INPP4B: variants seen among roughly 807,000 people sequenced by gnomAD.
The protein encoded by INPP4B is inositol polyphosphate-4-phosphatase type II B, also known as inositol polyphosphate 4-phosphatase type II.
Under a neutral mutation model 122.5 loss-of-function variants are expected in INPP4B, and 55 were observed. That is an observed-to-expected ratio of 0.45 (90% confidence interval 0.36 to 0.56). INPP4B has a LOEUF of 0.56. Ranked by LOEUF, INPP4B falls within the 20% of genes least tolerant of loss-of-function variation. The pLI is 0.00. For synonymous variants in INPP4B, 403 were observed against 388.7 expected (o/e 1.04, Z -0.43); for missense variants, 1,000 against 1,097.7 (o/e 0.91, Z 1.26).
At chr4:142,101,892 G>A (rs1168879664) in intron 23 of INPP4B, among the ~76,000 whole-genome samples, 1 of 152,014 alleles carries the variant, frequency 6.6e-6, no homozygotes, top group Non-Finnish European at 1.5e-5. Context: ...GGAAAAATTT[G>A]GTACATATTC....
chr4:142,720,859 G>T (rs2150839375), intron 2 of INPP4B, among the ~76,000 whole-genome samples: 2 of 97,434 alleles, frequency 2.1e-5, no homozygotes, highest in East Asian at 3.3e-4. Flanking sequence ...TTTGAGACAG[G>T]GTCTTACTTT....
chr4:142,734,638 TTTTG>T lies in INPP4B; in HGVS notation c.-253-8741_-253-8738del, dbSNP rs374247716. The stretch of plus-strand genomic sequence containing the variant: ...CCCTTAAAAAATGGGCACTATTAGA[TTTTG>T]TTTGTTTGTTTGTTTGTTTTCAGAT... On this transcript the variant is annotated intron_variant, in intron 1 of 25. Coordinates refer to ENST00000262992, the MANE Select transcript of INPP4B (RefSeq NM_001101669.3). Among the ~76,000 whole-genome samples the T allele has an allele frequency of 6.1e-4, 93 of 152,120 alleles. 1 individual carries two copies. The South Asian group carries it at 9.3e-3, about 15-fold the overall frequency.
Position 142,253,773 on chromosome 4 carries a change from G to C in INPP4B, c.688+6719C>G, listed in dbSNP as rs559100290. Among the ~76,000 whole-genome samples the C allele has an allele frequency of 7.9e-5, 12 of 152,328 alleles. No homozygotes were observed. The South Asian group carries it at 2.5e-3, about 32-fold the overall frequency. On this transcript the variant is annotated intron_variant, in intron 11 of 25. Coordinates refer to ENST00000262992, the MANE Select transcript of INPP4B (RefSeq NM_001101669.3). ...CAAACTGCAAGGTGGCAGTGAGGCT[G>C]GGGGAGGGGCACCCACCATTGCCCA...
At chr4:142,845,257 C>A (rs1469530111) in intron 1 of INPP4B, among the ~76,000 whole-genome samples, 1 of 152,092 alleles carries the variant, frequency 6.6e-6, no homozygotes, top group Non-Finnish European at 1.5e-5. Flanking sequence ...GAAACTACTG[C>A]CCCCAAGGAA....
intron 1 of INPP4B, among the ~76,000 whole-genome samples, chr4:142,789,791 A>G (rs947887039): frequency 6.6e-6 from 1 of 152,160 alleles, no homozygotes; most frequent in Non-Finnish European, 1.5e-5. Flanking sequence ...AAGACTAAGC[A>G]AAAAGAATAA....
Position 142,122,231 on chromosome 4 carries a change from T to C in INPP4B, c.2032A>G (p.Met678Val). The change falls in exon 21 of 26, where the codon ATG (methionine) becomes GTG (valine). Residue 678 changes from methionine (M) to valine (V), a missense_variant. Physicochemically the swap from Met to Val is conservative, Grantham distance 21. Coordinates refer to ENST00000262992, the MANE Select transcript of INPP4B (RefSeq NM_001101669.3). ...ATGCCAACGGCCATGTCCTCTAGCA[T>C]TCCAATTTCATCGCCTAAACAATAG... The part of the protein sequence containing the change: ...LLSTYSDEIG[M>V]LEDMAVGISD... 2 of 1,610,262 alleles carry C rather than the reference T, an allele frequency of 1.2e-6. No homozygotes were observed. Among genetic ancestry groups the C allele is most frequent in the Non-Finnish European group, 1.7e-6 (2 of 1,178,338 alleles).
intron 1 of INPP4B, among the ~76,000 whole-genome samples, chr4:142,746,016 T>G (rs1161833822): frequency 6.6e-6 from 1 of 151,982 alleles, no homozygotes; most frequent in Admixed American, 6.6e-5. Flanking sequence ...GTAATTAATA[T>G]AAGAAGAGAT....
At chr4:142,620,470 A>C (rs1744656996) in intron 2 of INPP4B, among the ~76,000 whole-genome samples, 1 of 151,928 alleles carries the variant, frequency 6.6e-6, no homozygotes, top group Admixed American at 6.6e-5. Flanking sequence ...ACACACACAC[A>C]AAGAAGGAAA....
chr4:142,729,428 G>A (rs1366741806), intron 1 of INPP4B, among the ~76,000 whole-genome samples: 1 of 152,166 alleles, frequency 6.6e-6, no homozygotes, highest in Non-Finnish European at 1.5e-5. Flanking sequence ...CAATGGAAAG[G>A]AATTTGTTGG....
intron 2 of INPP4B, among the ~76,000 whole-genome samples, chr4:142,695,897 T>C (rs1339426744): frequency 1.3e-5 from 2 of 152,076 alleles, no homozygotes; most frequent in Non-Finnish European, 2.9e-5. Flanking sequence ...TCAACCCCTA[T>C]AGGCTCAAGG....
At chr4:142,418,267 T>A (rs886213649) in intron 5 of INPP4B, among the ~76,000 whole-genome samples, 2 of 152,162 alleles carry the variant, frequency 1.3e-5, no homozygotes, top group Non-Finnish European at 2.9e-5. Context: ...CAAATAATTG[T>A]GTTGGCAATA....
chr4:142,616,267 T>C (rs975785664), intron 2 of INPP4B, among the ~76,000 whole-genome samples: 1 of 152,156 alleles, frequency 6.6e-6, no homozygotes, highest in African/African-American at 2.4e-5. Context: ...TTCCCAGTTA[T>C]TTGATGAGAT....
intron 1 of INPP4B, among the ~76,000 whole-genome samples, chr4:142,738,134 A>G: frequency 6.6e-6 from 1 of 152,248 alleles, no homozygotes; most frequent in Admixed American, 6.5e-5. Flanking sequence ...ATTATAAATC[A>G]TGCTGCTATA....
chr4:142,738,714 C>T (rs1767436113), intron 1 of INPP4B, among the ~76,000 whole-genome samples: 1 of 152,072 alleles, frequency 6.6e-6, no homozygotes, highest in African/African-American at 2.4e-5. Flanking sequence ...TATGTGTCTA[C>T]AAATGCCATC....
intron 7 of INPP4B, among the ~76,000 whole-genome samples, chr4:142,339,718 A>G (rs2635424): frequency 0.31 from 46,586 of 152,012 alleles, 8,431 homozygotes; most frequent in South Asian, 0.44. Flanking sequence ...AAGTGACCCA[A>G]TGAATGCTTG....
intron 23 of INPP4B, among the ~76,000 whole-genome samples, chr4:142,093,088 A>G (rs1780290747): frequency 6.6e-6 from 1 of 152,094 alleles, no homozygotes; most frequent in Non-Finnish European, 1.5e-5. Context: ...TGCCGACTGT[A>G]TTCCTCATTT....
chr4:142,299,919 T>C (rs1760682174), intron 9 of INPP4B, among the ~76,000 whole-genome samples: 1 of 152,076 alleles, frequency 6.6e-6, no homozygotes, highest in South Asian at 2.1e-4. Flanking sequence ...TTTAAGTAGA[T>C]ATTGATAGGA....
intron 7 of INPP4B, among the ~76,000 whole-genome samples, chr4:142,323,251 C>T (rs1237760131): frequency 2.0e-5 from 3 of 151,998 alleles, no homozygotes; most frequent in African/African-American, 4.8e-5. Context: ...GTATCTCAGG[C>T]TTACCACAGA....
At chr4:142,496,150 C>T (rs544448196) in intron 2 of INPP4B, among the ~76,000 whole-genome samples, 2 of 152,040 alleles carry the variant, frequency 1.3e-5, no homozygotes, top group East Asian at 1.9e-4. Context: ...TTAGTTTTGC[C>T]TGTTTTTAAT....
Sources: allele counts gnomAD v4.1 joint callset (sites outside exome capture counted in the v4.1 genomes callset), GRCh38; gene constraint gnomAD v4.1.1; transcripts MANE v1.5; gene names NCBI Gene and HGNC (gene_info 2026-07-23, HGNC 2026-07-21).